Variants in ARHGEF9 observed in about 807,000 individuals in gnomAD.
The protein encoded by ARHGEF9 is Cdc42 guanine nucleotide exchange factor 9, also known as rho guanine nucleotide exchange factor 9.
Under a neutral mutation model 41.3 loss-of-function variants are expected in ARHGEF9, and 2 were observed. The observed-to-expected ratio is 0.05, with a 90% CI of 0.02 to 0.15. The LOEUF is 0.15. Ranked by LOEUF, ARHGEF9 falls within the 10% of genes least tolerant of loss-of-function variation. The probability of loss-of-function intolerance (pLI) is 1.00; values close to 1 mark genes in which losing one functional copy is unlikely to be tolerated. For missense variants in ARHGEF9, 225 were observed against 424.7 expected (o/e 0.53, Z 4.13); for synonymous variants, 160 against 154.4 (o/e 1.04, Z -0.27).
At chrX:63,766,000 A>G (rs1419229142) in intron 1 of ARHGEF9, among the ~76,000 whole-genome samples, 1 of 112,124 alleles carries the variant, frequency 8.9e-6, no homozygotes, top group Non-Finnish European at 1.9e-5. Flanking sequence ...GGAACCTAAA[A>G]TTTTAACCAC....
At chrX:63,646,257 G>C (rs781914772) in intron 8 of ARHGEF9, among the ~76,000 whole-genome samples, 2 of 111,644 alleles carry the variant, frequency 1.8e-5, no homozygotes, top group Admixed American at 1.9e-4. Flanking sequence ...GTCAATTTTG[G>C]CTTTTGTTGC....
rs2056441770 is a variant in ARHGEF9 at position 63,785,155 on chromosome X, G to A, written c.-10C>T. On this transcript the variant is annotated 5_prime_UTR_variant, in exon 1 of 10. Coordinates refer to ENST00000671741, the MANE Select transcript of ARHGEF9 (RefSeq NM_001353921.2). ...CCCTTATCCACTGCATGGTGCTTGCGAAGTCCGGCTTCTCTGAGGCCCCGT... is the reference window on the plus strand; with the variant it reads ...CCCTTATCCACTGCATGGTGCTTGCAAAGTCCGGCTTCTCTGAGGCCCCGT... 1.7e-5 allele frequency: 20 copies of A among 1,162,573 alleles called. No individual in the cohort carries two copies. The highest frequency in any genetic ancestry group is 2.1e-5 in the Non-Finnish European group (18 of 870,995).
At position 63,678,576 on chromosome X, in the gene ARHGEF9, T is replaced by A; in HGVS notation, c.583-4A>T. 2 of 1,174,906 alleles carry A rather than the reference T, an allele frequency of 1.7e-6. No individual in the cohort carries two copies. Among genetic ancestry groups the A allele is most frequent in the African/African-American group, 3.5e-5 (2 of 56,701 alleles). On this transcript the variant is annotated splice_polypyrimidine_tract_variant and splice_region_variant and intron_variant, in intron 4 of 9. Coordinates refer to ENST00000671741, the MANE Select transcript of ARHGEF9 (RefSeq NM_001353921.2). ...AGTATATCCAGAATCCATCTTGCTG[T>A]GGGAAAAGAAAAAAAGGAAAGGAAA...
chrX:63,769,899 T>TA (rs1442088181), intron 1 of ARHGEF9, among the ~76,000 whole-genome samples: 1 of 112,018 alleles, frequency 8.9e-6, no homozygotes, highest in Non-Finnish European at 1.9e-5. Flanking sequence ...GGGAGATGCA[T>TA]AAAAAACCTC....
chrX:63,755,068 GCCAGA>G, intron 1 of ARHGEF9: 1 of 939,114 alleles, frequency 1.1e-6, no homozygotes, highest in Non-Finnish European at 1.3e-6. Flanking sequence ...GCTCCCGGCT[GCCAGA>G]CACTCGTTCG....
intron 1 of ARHGEF9, among the ~76,000 whole-genome samples, chrX:63,779,122 A>G (rs2056340328): frequency 9.0e-6 from 1 of 111,464 alleles, no homozygotes; most frequent in East Asian, 2.8e-4. Flanking sequence ...ACTTTCCCAC[A>G]TCTTCCTGTC....
intron 1 of ARHGEF9, chrX:63,767,427 T>G (rs782084727): frequency 2.8e-6 from 1 of 362,589 alleles, no homozygotes; most frequent in South Asian, 3.0e-5. Context: ...AATTTTTGTT[T>G]ATGGATCTGA....
chrX:63,777,909 C>A (rs1372892730), intron 1 of ARHGEF9, among the ~76,000 whole-genome samples: 2 of 112,866 alleles, frequency 1.8e-5, no homozygotes, highest in Non-Finnish European at 3.7e-5. Flanking sequence ...GCCTTCATGG[C>A]TGGCATTGAG....
At chrX:63,773,495 C>T (rs187945724) in intron 1 of ARHGEF9, among the ~76,000 whole-genome samples, 4 of 112,214 alleles carry the variant, frequency 3.6e-5, no homozygotes, top group South Asian at 3.7e-4. Context: ...TACAGAGTAG[C>T]GCAGTTCACA....
chrX:63,778,376 T>A (rs1176610349), intron 1 of ARHGEF9, among the ~76,000 whole-genome samples: 1 of 111,920 alleles, frequency 8.9e-6, no homozygotes. Flanking sequence ...CATGAAACCA[T>A]TTTTTCCTCC....
chrX:63,674,725 G>A (rs113080237), intron 5 of ARHGEF9, among the ~76,000 whole-genome samples: 8,490 of 111,207 alleles, frequency 0.076, 386 homozygotes, highest in Non-Finnish European at 0.12. Context: ...GTTTATTAAC[G>A]CCCACTGTTT....
At chrX:63,663,124 T>C (rs1324675081) in intron 7 of ARHGEF9, among the ~76,000 whole-genome samples, 1 of 111,758 alleles carries the variant, frequency 8.9e-6, no homozygotes, top group Admixed American at 9.5e-5. Flanking sequence ...CAACCTCAGA[T>C]CCTTTGGGCT....
At chrX:63,755,393 T>G (rs1195169656) in intron 1 of ARHGEF9, 1 of 339,026 alleles carries the variant, frequency 2.9e-6, no homozygotes, top group African/African-American at 2.8e-5. Flanking sequence ...TGGGGGCGGA[T>G]AGAGGGGGTA....
chrX:63,642,569 G>A (rs2047707063), intron 9 of ARHGEF9: 1 of 112,010 alleles, frequency 8.9e-6, no homozygotes, highest in Non-Finnish European at 1.9e-5. Context: ...GGGGAGGCAT[G>A]TCTAGTCAGC....
intron 9 of ARHGEF9, among the ~76,000 whole-genome samples, chrX:63,643,597 G>A (rs782476533): frequency 7.3e-5 from 8 of 109,893 alleles, no homozygotes; most frequent in South Asian, 3.9e-4. Context: ...CGCCTGCCTC[G>A]GCCTCCCAAA....
At chrX:63,650,904 T>C (rs1389016326) in intron 8 of ARHGEF9, among the ~76,000 whole-genome samples, 3 of 111,028 alleles carry the variant, frequency 2.7e-5, no homozygotes, top group Non-Finnish European at 5.7e-5. Context: ...ATGGAAGATA[T>C]GATAATTAGA....
chrX:63,714,973 A>T (rs2053199564), intron 2 of ARHGEF9, among the ~76,000 whole-genome samples: 1 of 111,881 alleles, frequency 8.9e-6, no homozygotes, highest in African/African-American at 3.3e-5. Context: ...TCGAGGCTGG[A>T]GGTATTGATG....
At chrX:63,725,324 C>T (rs567671663) in intron 1 of ARHGEF9, among the ~76,000 whole-genome samples, 3 of 111,478 alleles carry the variant, frequency 2.7e-5, no homozygotes, top group African/African-American at 6.5e-5. Flanking sequence ...TTCTGTGATG[C>T]CTTGTACCCA....
chrX:63,770,958 C>T lies in ARHGEF9; in HGVS notation c.30+14158G>A, dbSNP rs143470185. Among the ~76,000 whole-genome samples, 465 of 112,419 alleles carry T rather than the reference C, an allele frequency of 4.1e-3. 3 individuals are homozygous for T. Among genetic ancestry groups the T allele is most frequent in the African/African-American group, 0.013 (417 of 30,935 alleles). On this transcript the variant is annotated intron_variant, in intron 1 of 9. Coordinates refer to ENST00000671741, the MANE Select transcript of ARHGEF9 (RefSeq NM_001353921.2). ...GTCTCAGGTATATCTTTATCAGCAG[C>T]GTGAAAACAAACTAATACAGTACAT...
Sources: gnomAD v4.1 joint callset for allele counts (sites outside exome capture counted in the v4.1 genomes callset) on GRCh38, gnomAD v4.1.1 for gene constraint, MANE v1.5 for transcripts, NCBI Gene and HGNC (gene_info 2026-07-23, HGNC 2026-07-21) for gene names.